FRMD4B: variants seen among roughly 807,000 people sequenced by gnomAD.
The protein encoded by FRMD4B is FERM domain containing 4B.
In FRMD4B, 74 loss-of-function variants were observed where a neutral mutation model predicts 141.5. That is an observed-to-expected ratio of 0.52 (90% CI 0.43 to 0.63). The LOEUF (loss-of-function observed/expected upper bound fraction) is 0.63, where lower values mean the gene tolerates loss of function less well. Ranked by LOEUF, FRMD4B falls within the 30% of genes least tolerant of loss-of-function variation. The pLI, the probability that FRMD4B is intolerant of heterozygous loss-of-function variation, is 0.00. For missense variants in FRMD4B, 1,366 were observed against 1,253.4 expected, an observed-to-expected ratio of 1.09 and a Z score of -1.36; for synonymous variants, 506 against 467.9, an observed-to-expected ratio of 1.08 and a Z score of -1.05.
At chr3:69,365,943 G>A (rs1339788346) in intron 1 of FRMD4B, among the ~76,000 whole-genome samples, 1 of 152,044 alleles carries the variant, frequency 6.6e-6, no homozygotes, top group Non-Finnish European at 1.5e-5. Flanking sequence ...AACAGGTCAA[G>A]CATGGTGGCT....
rs1156385129 is a variant in FRMD4B at position 69,169,212 on chromosome 3, T to C, written c.*2649A>G. Among the ~76,000 whole-genome samples, 1 of 152,188 alleles carries C rather than the reference T, an allele frequency of 6.6e-6. No homozygotes were observed. ...TGTAATAAAAAAGAGGAAACGTACA[T>C]GTTGAATAATGTACTTTTGTCACTT... On this transcript the variant is annotated 3_prime_UTR_variant, in exon 23 of 23. Transcript: ENST00000398540.
intron 8 of FRMD4B, among the ~76,000 whole-genome samples, chr3:69,224,256 C>G (rs1356393212): frequency 1.3e-5 from 2 of 152,176 alleles, no homozygotes; most frequent in Non-Finnish European, 2.9e-5. Flanking sequence ...TTTTATAACA[C>G]TTATATTGCA....
chr3:69,488,048 G>C (rs1275101697), intron 1 of FRMD4B, among the ~76,000 whole-genome samples: 2 of 144,364 alleles, frequency 1.4e-5, no homozygotes, highest in Non-Finnish European at 3.1e-5. Context: ...GAAAGAGAAA[G>C]AAAGAAAGAA....
chr3:69,482,816 G>A (rs1336790363), intron 1 of FRMD4B, among the ~76,000 whole-genome samples: 9 of 152,166 alleles, frequency 5.9e-5, no homozygotes, highest in Admixed American at 5.9e-4. Flanking sequence ...GCATCCCAGG[G>A]TAAACTGTTA....
chr3:69,339,493 G>A (rs944180826), intron 1 of FRMD4B, among the ~76,000 whole-genome samples: 2 of 152,264 alleles, frequency 1.3e-5, no homozygotes, highest in South Asian at 2.1e-4. Flanking sequence ...AGGAGAATTC[G>A]TGGAAAGCAC....
At chr3:69,479,279 T>A (rs1482989302) in intron 1 of FRMD4B, among the ~76,000 whole-genome samples, 1 of 151,354 alleles carries the variant, frequency 6.6e-6, no homozygotes, top group Non-Finnish European at 1.5e-5. Flanking sequence ...TGTTCGTTAG[T>A]TGATGCAGTT....
At chr3:69,353,014 C>T (rs1010315) in intron 1 of FRMD4B, among the ~76,000 whole-genome samples, 60,724 of 151,724 alleles carry the variant, frequency 0.4, 15,176 homozygotes, top group African/African-American at 0.72. Flanking sequence ...AAAAGCATTT[C>T]TGTGTTGCTT....
chr3:69,276,977 G>A (rs1442015329), intron 5 of FRMD4B, among the ~76,000 whole-genome samples: 3 of 152,126 alleles, frequency 2.0e-5, no homozygotes, highest in Non-Finnish European at 4.4e-5. Context: ...GTATTGATAC[G>A]TTAAGAGCAT....
At chr3:69,499,291 T>C (rs950359996) in intron 1 of FRMD4B, among the ~76,000 whole-genome samples, 2 of 152,162 alleles carry the variant, frequency 1.3e-5, no homozygotes, top group African/African-American at 2.4e-5. Flanking sequence ...TGGGAAGCCA[T>C]TGATCCAAGC....
At chr3:69,340,103 C>A (rs1279282104) in intron 1 of FRMD4B, among the ~76,000 whole-genome samples, 1 of 152,142 alleles carries the variant, frequency 6.6e-6, no homozygotes, top group African/African-American at 2.4e-5. Context: ...GGGGAAAGTG[C>A]CTGACTAACC....
At chr3:69,470,575 A>G (rs1000795118) in intron 1 of FRMD4B, among the ~76,000 whole-genome samples, 1 of 152,178 alleles carries the variant, frequency 6.6e-6, no homozygotes, top group African/African-American at 2.4e-5. Flanking sequence ...GTTCATTGGT[A>G]TTAGTAAAGC....
At chr3:69,390,403 C>A (rs1025288726), upstream of FRMD4B, among the ~76,000 whole-genome samples, 20 of 152,178 alleles carry the variant, frequency 1.3e-4, no homozygotes, top group African/African-American at 4.8e-4. Flanking sequence ...TTATACCTCC[C>A]TCCCATGCTG....
chr3:69,379,616 TTTAAG>T (rs1704063858), intron 1 of FRMD4B, among the ~76,000 whole-genome samples: 1 of 152,238 alleles, frequency 6.6e-6, no homozygotes, highest in Admixed American at 6.5e-5. Context: ...TCCATATTCC[TTTAAG>T]TTCTGTTTTT....
At chr3:69,471,599 T>C (rs1705893179) in intron 1 of FRMD4B, 1 of 202,048 alleles carries the variant, frequency 4.9e-6, no homozygotes, top group South Asian at 1.0e-4. Flanking sequence ...CATTTAATGA[T>C]TTTCTCTCTG....
rs1284140937 is a variant in FRMD4B at position 69,188,930 on chromosome 3, T to C, written c.1771+966A>G. On this transcript the variant is annotated intron_variant, in intron 18 of 22. Coordinates refer to ENST00000398540, the MANE Select transcript of FRMD4B (RefSeq NM_015123.3). ...ATAGTAAACCCATTCTATAATGGAA[T>C]GTATTGAACGGCTGGGCTCGGTGGC... 4.0e-5 allele frequency among the ~76,000 whole-genome samples: 6 copies of C among 151,550 alleles called. No homozygotes were observed. In the East Asian group the frequency reaches 7.9e-4, roughly 20 times the overall value.
chr3:69,353,580 C>A, intron 1 of FRMD4B: 1 of 985,364 alleles, frequency 1.0e-6, no homozygotes, highest in Non-Finnish European at 1.2e-6. Flanking sequence ...TTTAAAGGAA[C>A]TGAAGAGAGT....
chr3:69,173,109 T>G (rs1394856257), intron 22 of FRMD4B, among the ~76,000 whole-genome samples: 4 of 152,166 alleles, frequency 2.6e-5, no homozygotes, highest in African/African-American at 9.7e-5. Flanking sequence ...CAACCATTCT[T>G]GGGGATAGAA....
intron 1 of FRMD4B, among the ~76,000 whole-genome samples, chr3:69,336,272 A>C (rs1406807417): frequency 6.6e-6 from 1 of 152,218 alleles, no homozygotes; most frequent in Non-Finnish European, 1.5e-5. Flanking sequence ...CAGCAGCATC[A>C]ACTGGAGCCT....
chr3:69,528,519 C>G (rs887331990), intron 1 of FRMD4B, among the ~76,000 whole-genome samples: 4 of 152,066 alleles, frequency 2.6e-5, no homozygotes, highest in Admixed American at 2.6e-4. Context: ...CCCATGCCAC[C>G]ATGCTGGATT....
Sources: allele counts gnomAD v4.1 joint callset (sites outside exome capture counted in the v4.1 genomes callset), GRCh38; gene constraint gnomAD v4.1.1; transcripts MANE v1.5; gene names NCBI Gene and HGNC (gene_info 2026-07-23, HGNC 2026-07-21).